The following ATP10B variants were observed in gnomAD, a reference collection of about 807,000 sequenced individuals.
ATP10B encodes the protein ATPase phospholipid transporting 10B (putative).
In ATP10B, 122 loss-of-function variants were observed where a neutral mutation model predicts 141.2. The ratio of observed to expected loss-of-function variants is 0.86; its 90% confidence interval spans 0.75 to 1.00. The LOEUF is 1.00. Among genes scored for constraint, ATP10B ranks in the 50% least tolerant of loss-of-function variants. The pLI is 0.00. For missense variants in ATP10B, 1,876 were observed against 1,825.3 expected (o/e 1.03, Z -0.51); for synonymous variants, 685 against 692.0 (o/e 0.99, Z 0.16).
the ATP10B span, among the ~76,000 whole-genome samples, chr5:160,860,741 A>G: frequency 6.6e-6 from 1 of 151,988 alleles, no homozygotes; most frequent in African/African-American, 2.4e-5. Context: ...ATCTGCAAAG[A>G]TATTTTGTTT....
intron 6 of ATP10B, among the ~76,000 whole-genome samples, chr5:160,681,591 C>A: frequency 6.6e-6 from 1 of 152,148 alleles, no homozygotes; most frequent in East Asian, 1.9e-4. Flanking sequence ...GCCTGGGCAA[C>A]GTACCAAGAC....
At chr5:160,927,567 C>T in the ATP10B span, among the ~76,000 whole-genome samples, 1 of 152,110 alleles carries the variant, frequency 6.6e-6, no homozygotes, top group Non-Finnish European at 1.5e-5. Flanking sequence ...GTTTATCTTC[C>T]TGAGGTGGAT....
the ATP10B span, among the ~76,000 whole-genome samples, chr5:160,873,630 A>G: frequency 6.6e-6 from 1 of 152,318 alleles, no homozygotes; most frequent in East Asian, 1.9e-4. Context: ...TACCGGGTTC[A>G]TCTCACTAGG....
In ATP10B at chr5:160,579,525, T is replaced by C. The variant is rs1755413169; in HGVS notation, c.3751-9842A>G. Among the ~76,000 whole-genome samples the C allele has an allele frequency of 3.3e-5, 5 of 152,332 alleles. No homozygotes were observed. In the South Asian group the frequency reaches 8.3e-4, roughly 25 times the overall value. On this transcript the variant is annotated intron_variant, in intron 24 of 25. Transcript: ENST00000327245. ...GCCTCTGTTCTGTTCTGTTGGTTTA[T>C]ATATCTGTTTTGGTACCAGTACCAT...
chr5:160,819,598 C>G (rs1773948205), intron 1 of ATP10B, among the ~76,000 whole-genome samples: 1 of 151,882 alleles, frequency 6.6e-6, no homozygotes, highest in South Asian at 2.1e-4. Context: ...AAAAGTGAAC[C>G]AATAAAAATA....
chr5:160,919,140 C>T, the ATP10B span, among the ~76,000 whole-genome samples: 5 of 141,378 alleles, frequency 3.5e-5, no homozygotes, highest in African/African-American at 1.1e-4. Context: ...AGGAGAATGG[C>T]GTGAACCCGG....
At chr5:160,782,149 T>G (rs1770759699) in intron 2 of ATP10B, among the ~76,000 whole-genome samples, 1 of 152,284 alleles carries the variant, frequency 6.6e-6, no homozygotes, top group South Asian at 2.1e-4. Context: ...TCTATATAAT[T>G]TATTCACTCT....
At position 160,603,999 on chromosome 5, in the gene ATP10B, A is replaced by G. The variant is rs779496901; in HGVS notation, c.3203T>C (p.Ile1068Thr). 1.7e-5 allele frequency: 27 copies of G among 1,613,808 alleles called. 1 individual carries two copies. In the Admixed American group the frequency reaches 3.8e-4, roughly 23 times the overall value. The change falls in exon 20 of 26, where the codon ATT becomes ACT. Residue 1068 changes from isoleucine to threonine, a missense_variant. By Grantham distance (89) the Ile-to-Thr change is moderately conservative (BLOSUM62 -1). Coordinates refer to ENST00000327245, the MANE Select transcript of ATP10B (RefSeq NM_025153.3). Reference sequence around the variant, plus strand: ...TTCCTGTCCAGATATTCCAATTCCAATATCAGCAGCTTGAATCATGCTTAC... The same window carrying G: ...TTCCTGTCCAGATATTCCAATTCCAGTATCAGCAGCTTGAATCATGCTTAC... ...NDVSMIQAAD[I>T]GIGISGQEGM...
intron 1 of ATP10B, among the ~76,000 whole-genome samples, chr5:160,815,066 A>C (rs1183860931): frequency 6.6e-6 from 1 of 152,216 alleles, no homozygotes; most frequent in African/African-American, 2.4e-5. Flanking sequence ...GCTAGGAAGA[A>C]ACTGCATCAA....
the ATP10B span, among the ~76,000 whole-genome samples, chr5:160,919,274 C>T: frequency 1.4e-5 from 2 of 147,374 alleles, no homozygotes; most frequent in Admixed American, 6.7e-5. Context: ...GGCAGGAAAC[C>T]CTTGCATGGC....
At chr5:160,718,031 C>G (rs1227026306) in intron 2 of ATP10B, among the ~76,000 whole-genome samples, 1 of 152,204 alleles carries the variant, frequency 6.6e-6, no homozygotes, top group Non-Finnish European at 1.5e-5. Flanking sequence ...AAGGAGAAAG[C>G]AAGCAAGGGG....
intron 18 of ATP10B, among the ~76,000 whole-genome samples, chr5:160,608,210 G>C (rs1197084087): frequency 6.6e-6 from 1 of 152,074 alleles, no homozygotes; most frequent in African/African-American, 2.4e-5. Flanking sequence ...ATAGTTTGCT[G>C]AGAATGATGG....
chr5:160,813,404 A>G (rs890929901), intron 1 of ATP10B, among the ~76,000 whole-genome samples: 1 of 152,222 alleles, frequency 6.6e-6, no homozygotes, highest in Non-Finnish European at 1.5e-5. Context: ...GCAGTCTAAG[A>G]TCAAACTGCA....
At chr5:160,850,203 C>T (rs908665758) in intron 1 of ATP10B, among the ~76,000 whole-genome samples, 8 of 151,836 alleles carry the variant, frequency 5.3e-5, no homozygotes, top group African/African-American at 1.9e-4. Flanking sequence ...GTCAGGAGTT[C>T]GAGACCAGCC....
intron 3 of ATP10B, among the ~76,000 whole-genome samples, chr5:160,697,973 C>T (rs1313491440): frequency 2.0e-5 from 3 of 152,178 alleles, no homozygotes; most frequent in Admixed American, 1.3e-4. Flanking sequence ...AAATATTTCT[C>T]ATCTGCCACA....
At chr5:160,847,151 T>C (rs569753987) in intron 1 of ATP10B, among the ~76,000 whole-genome samples, 51 of 152,186 alleles carry the variant, frequency 3.4e-4, no homozygotes, top group Non-Finnish European at 4.4e-4. Context: ...AAGCACATTC[T>C]CTCTGTCTTA....
intron 3 of ATP10B, among the ~76,000 whole-genome samples, chr5:160,705,456 T>C (rs1764954495): frequency 6.6e-6 from 1 of 152,164 alleles, no homozygotes; most frequent in African/African-American, 2.4e-5. Flanking sequence ...CTTGAACTCC[T>C]GGGCTAAAGC....
At chr5:160,723,115 A>G (rs951192655) in intron 2 of ATP10B, among the ~76,000 whole-genome samples, 1 of 152,214 alleles carries the variant, frequency 6.6e-6, no homozygotes, top group Non-Finnish European at 1.5e-5. Flanking sequence ...ATGGACAAGT[A>G]TGTGTGTGTG....
At chr5:160,899,306 G>A in the ATP10B span, among the ~76,000 whole-genome samples, 1 of 151,922 alleles carries the variant, frequency 6.6e-6, no homozygotes, top group Non-Finnish European at 1.5e-5. Context: ...AAATGATAGG[G>A]ACATAATACC....
Sources: gnomAD v4.1 joint callset for allele counts (sites outside exome capture counted in the v4.1 genomes callset) on GRCh38, gnomAD v4.1.1 for gene constraint, MANE v1.5 for transcripts, NCBI Gene and HGNC (gene_info 2026-07-23, HGNC 2026-07-21) for gene names.